The following SVEP1 variants were observed in gnomAD, a reference collection of about 807,000 sequenced individuals.
SVEP1 encodes the protein sushi, von Willebrand factor type A, EGF and pentraxin domain containing 1.
A neutral mutation model predicts 367.3 loss-of-function variants in SVEP1; 164 were observed. That is an observed-to-expected ratio of 0.45 (90% CI 0.39 to 0.51). The LOEUF is 0.51. SVEP1 is among the 20% of genes least tolerant of loss of function. The pLI, the probability that SVEP1 is intolerant of heterozygous loss-of-function variation, is 0.00. For missense variants in SVEP1, 4,117 were observed against 4,425.3 expected, an observed-to-expected ratio of 0.93 and a Z score of 1.98; for synonymous variants, 1,666 against 1,611.6, an observed-to-expected ratio of 1.03 and a Z score of -0.81.
At chr9:110,535,022 A>G (rs1358772043) in intron 3 of SVEP1, among the ~76,000 whole-genome samples, 1 of 151,978 alleles carries the variant, frequency 6.6e-6, no homozygotes, top group Non-Finnish European at 1.5e-5. Context: ...CTTAAGTTTT[A>G]CTAGATTCCA....
chr9:110,522,481 C>A (rs1325227494), intron 3 of SVEP1, among the ~76,000 whole-genome samples: 45 of 152,118 alleles, frequency 3.0e-4, no homozygotes, highest in Admixed American at 2.9e-3. Flanking sequence ...GTCAGATCAG[C>A]AAAGAGGCAC....
chr9:110,406,020 G>A (rs1329545408), intron 38 of SVEP1, 140 bp downstream of exon 38: 2 of 1,047,902 alleles, frequency 1.9e-6, no homozygotes, highest in African/African-American at 1.6e-5. Context: ...GTAGAATAAA[G>A]CCAAGTGTTA....
intron 8 of SVEP1, among the ~76,000 whole-genome samples, chr9:110,495,469 T>C (rs965391782): frequency 2.0e-5 from 3 of 152,140 alleles, no homozygotes; most frequent in Non-Finnish European, 4.4e-5. Context: ...GAGAGACTGT[T>C]CAACACACAA....
chr9:110,545,369 T>A (rs530249961), intron 3 of SVEP1, among the ~76,000 whole-genome samples: 19 of 152,232 alleles, frequency 1.2e-4, no homozygotes, highest in African/African-American at 3.9e-4. Flanking sequence ...GCTATGCTAA[T>A]TCACATTCCC....
intron 1 of SVEP1, among the ~76,000 whole-genome samples, chr9:110,574,865 C>T (rs538364492): frequency 9.2e-5 from 14 of 151,638 alleles, no homozygotes; most frequent in Non-Finnish European, 2.1e-4. Context: ...CCTGCCTCAG[C>T]CTCCCGAGTA....
chr9:110,569,412 C>T lies in SVEP1; in HGVS notation c.531+9601G>A, dbSNP rs190170574. 6.7e-3 allele frequency among the ~76,000 whole-genome samples: 980 copies of T among 145,878 alleles called. 10 individuals are homozygous for T. The highest frequency in any genetic ancestry group is 0.021 in the African/African-American group (834 of 39,124). On this transcript the variant is annotated intron_variant, in intron 1 of 47. Coordinates refer to ENST00000374469, the MANE Select transcript of SVEP1 (RefSeq NM_153366.4). ...TGGAGGTTGTGGTGAGCCGAGATTG[C>T]GCCATTGCATTCCAGCCTGGGCAAC... is the stretch of plus-strand genomic sequence containing the variant.
chr9:110,414,386 G>A lies in SVEP1; in HGVS notation c.5976-2651C>T, dbSNP rs553898858. ...TACCTAAGTTCACACATCATGCTAT[G>A]GATGGAAGTGGTCTCAAAATGAATA... On this transcript the variant is annotated intron_variant, in intron 36 of 47. Coordinates refer to ENST00000374469, the MANE Select transcript of SVEP1 (RefSeq NM_153366.4). 3.4e-4 allele frequency among the ~76,000 whole-genome samples: 51 copies of A among 152,090 alleles called. 1 individual carries two copies. The highest frequency in any genetic ancestry group is 3.1e-3 in the Admixed American group (48 of 15,274).
At chr9:110,494,617 A>G (rs1588080305) in intron 8 of SVEP1, among the ~76,000 whole-genome samples, 1 of 152,140 alleles carries the variant, frequency 6.6e-6, no homozygotes, top group South Asian at 2.1e-4. Flanking sequence ...TTTTTTGGAA[A>G]TTTTCTGAGG....
intron 18 of SVEP1, among the ~76,000 whole-genome samples, chr9:110,463,578 G>T (rs2118648242): frequency 1.5e-5 from 2 of 133,936 alleles, no homozygotes; most frequent in African/African-American, 5.6e-5. Flanking sequence ...AGAAAATAAA[G>T]AAAAAGGAAG....
At position 110,445,923 on chromosome 9, in the gene SVEP1, G is replaced by T. The variant is rs1178678829; in HGVS notation, c.4377C>A (p.Ser1459=). The change falls in exon 26 of 48, where the codon TCC becomes TCA. Residue 1459 remains serine (S), a synonymous_variant. Coordinates refer to ENST00000374469, the MANE Select transcript of SVEP1 (RefSeq NM_153366.4). ...HALTCTFWMK[S]SDDMNYGTPI... ...GTGTTCCATAGTTCATGTCGTCAGA[G>T]GATTTCATCCAGAAGGTACAGGTTA... 2.5e-6 allele frequency: 4 copies of T among 1,613,948 alleles called. No individual in the cohort carries two copies. The South Asian group carries it at 4.4e-5, about 18-fold the overall frequency.
At chr9:110,576,759 A>G (rs892303141) in intron 1 of SVEP1, among the ~76,000 whole-genome samples, 2 of 152,142 alleles carry the variant, frequency 1.3e-5, no homozygotes, top group East Asian at 3.8e-4. Context: ...AAAAATATAT[A>G]CAGGACTTAA....
chr9:110,368,854 A>G (rs889998505), intron 47 of SVEP1, among the ~76,000 whole-genome samples: 1 of 152,158 alleles, frequency 6.6e-6, no homozygotes, highest in Non-Finnish European at 1.5e-5. Flanking sequence ...AGATGATGTG[A>G]GGAAATTCAC....
intron 4 of SVEP1, 78 bp downstream of exon 4, chr9:110,513,870 T>C (rs2118778040): frequency 7.0e-7 from 1 of 1,437,938 alleles, no homozygotes; most frequent in South Asian, 1.4e-5. Context: ...CTAAATGAAT[T>C]AGGTGCAAAC....
intron 39 of SVEP1, among the ~76,000 whole-genome samples, chr9:110,402,745 C>A (rs1045283781): frequency 6.6e-6 from 1 of 152,140 alleles, no homozygotes; most frequent in Non-Finnish European, 1.5e-5. Context: ...GAGTCTTAGA[C>A]AAAGTTTCCT....
chr9:110,398,541 T>G (rs368961617), intron 40 of SVEP1, among the ~76,000 whole-genome samples: 2 of 151,564 alleles, frequency 1.3e-5, no homozygotes, highest in East Asian at 3.9e-4. Context: ...AAACTATCAT[T>G]AGAGTGAACA....
chr9:110,382,488 G>A (rs139421822), intron 43 of SVEP1, among the ~76,000 whole-genome samples: 1,729 of 152,180 alleles, frequency 0.011, 10 homozygotes, highest in Non-Finnish European at 0.017. Flanking sequence ...CTCTCTGGCT[G>A]CCCTTAACAT....
intron 5 of SVEP1, chr9:110,512,712 G>T: frequency 1.6e-6 from 1 of 608,700 alleles, no homozygotes; most frequent in Non-Finnish European, 2.8e-6. Flanking sequence ...TTCTTTGCTT[G>T]TTCATAAAAG....
chr9:110,392,715 G>T (rs1827683990), intron 40 of SVEP1, among the ~76,000 whole-genome samples: 1 of 151,002 alleles, frequency 6.6e-6, no homozygotes, highest in Admixed American at 6.6e-5. Context: ...TTGTTCATAA[G>T]CATCCTTTAA....
At chr9:110,390,018 T>A (rs1827605037) in intron 40 of SVEP1, among the ~76,000 whole-genome samples, 1 of 109,718 alleles carries the variant, frequency 9.1e-6, no homozygotes, top group African/African-American at 2.8e-5. Flanking sequence ...CATAAGTGTG[T>A]GTGTGTGTGT....
Sources: allele counts gnomAD v4.1 joint callset (sites outside exome capture counted in the v4.1 genomes callset), GRCh38; gene constraint gnomAD v4.1.1; transcripts MANE v1.5; gene names NCBI Gene and HGNC (gene_info 2026-07-23, HGNC 2026-07-21).